SELENOT: variants seen among roughly 807,000 people sequenced by gnomAD.
SELENOT encodes thioredoxin reductase-like selenoprotein T.
In SELENOT, 9 loss-of-function variants were observed where a neutral mutation model predicts 24.3. That is an observed-to-expected ratio of 0.37 (90% CI 0.22 to 0.65). The LOEUF is 0.65. Ranked by LOEUF, SELENOT falls within the 30% of genes least tolerant of loss-of-function variation. SELENOT has a pLI of 0.60. For missense variants in SELENOT, 166 were observed against 247.6 expected (o/e 0.67, Z 2.21); for synonymous variants, 81 against 86.0 (o/e 0.94, Z 0.32).
chr3:150,626,714 T>A (rs1312876004), intron 4 of SELENOT, among the ~76,000 whole-genome samples: 9 of 152,228 alleles, frequency 5.9e-5, no homozygotes, highest in Non-Finnish European at 1.2e-4. Context: ...TAGATCTCAA[T>A]TTAAATGATA....
chr3:150,626,588 T>C (rs535083761), intron 4 of SELENOT, among the ~76,000 whole-genome samples: 58 of 152,280 alleles, frequency 3.8e-4, no homozygotes, highest in Non-Finnish European at 6.8e-4. Flanking sequence ...CTATGCTGAT[T>C]TTCTCTTATT....
intron 1 of SELENOT, among the ~76,000 whole-genome samples, chr3:150,610,254 G>T (rs1026652646): frequency 2.6e-5 from 4 of 152,204 alleles, no homozygotes; most frequent in African/African-American, 9.7e-5. Flanking sequence ...TTTTCATTAG[G>T]TATAAAGGTA....
At chr3:150,618,205 T>G (rs1212476445) in intron 1 of SELENOT, among the ~76,000 whole-genome samples, 1 of 152,174 alleles carries the variant, frequency 6.6e-6, no homozygotes, top group African/African-American at 2.4e-5. Flanking sequence ...TCTGTTTGGA[T>G]CTTCTTGTTA....
At chr3:150,619,687 A>G (rs1726297613) in intron 1 of SELENOT, among the ~76,000 whole-genome samples, 1 of 152,202 alleles carries the variant, frequency 6.6e-6, no homozygotes, top group South Asian at 2.1e-4. Context: ...TCATTGACCC[A>G]AAAAGAGTGG....
At chr3:150,608,973 G>T (rs2108005456) in intron 1 of SELENOT, among the ~76,000 whole-genome samples, 1 of 152,280 alleles carries the variant, frequency 6.6e-6, no homozygotes, top group Middle Eastern at 3.4e-3. Flanking sequence ...CCTAAATTTT[G>T]ATTAGTACAG....
rs2108017322 is a variant in SELENOT at position 150,629,543 on chromosome 3, A to C, written c.*1914A>C. ...AACTTCATGACATGTAGACATTCAAAACTTGAGCCTTGGATGTTCCTGTGG... is the reference window on the plus strand; with the variant it reads ...AACTTCATGACATGTAGACATTCAACACTTGAGCCTTGGATGTTCCTGTGG... On this transcript the variant is annotated 3_prime_UTR_variant, in exon 6 of 6. Coordinates refer to ENST00000471696, the MANE Select transcript of SELENOT (RefSeq NM_016275.5). The C allele has an allele frequency of 6.5e-6, 1 of 152,736 alleles. No individual in the cohort carries two copies. The highest frequency in any genetic ancestry group is 2.4e-5 in the African/African-American group (1 of 41,558). The allele number at this position is 152,736 out of a possible 1,614,324, so 9.5% of individuals were successfully genotyped here.
At chr3:150,625,512 T>C (rs1447411605) in intron 4 of SELENOT, among the ~76,000 whole-genome samples, 2 of 152,156 alleles carry the variant, frequency 1.3e-5, no homozygotes, top group Non-Finnish European at 2.9e-5. Flanking sequence ...ATCTACCTTC[T>C]GTTCATCTTA....
At position 150,621,751 on chromosome 3, in the gene SELENOT, C is replaced by T. The variant is rs138938214; in HGVS notation, c.138-634C>T. Among the ~76,000 whole-genome samples the T allele has an allele frequency of 2.2e-3, 335 of 148,958 alleles. 2 individuals are homozygous for T. Among genetic ancestry groups the T allele is most frequent in the African/African-American group, 7.6e-3 (310 of 40,580 alleles). ...TATTGAAAATTATGTTCCCAATCTTCGTTTTCCTTGGCAAAGTAGAATCAA... is the reference window on the plus strand; with the variant it reads ...TATTGAAAATTATGTTCCCAATCTTTGTTTTCCTTGGCAAAGTAGAATCAA... On this transcript the variant is annotated intron_variant, in intron 1 of 5. Transcript: ENST00000471696.
intron 5 of SELENOT, 131 bp from the exon 6 acceptor site, chr3:150,627,528 T>C (rs1460414218): frequency 6.4e-6 from 1 of 157,230 alleles, no homozygotes; most frequent in African/African-American, 2.4e-5. Context: ...AGATAAAAAA[T>C]TTATAGGCAA....
At chr3:150,611,944 A>C (rs1726104595) in intron 1 of SELENOT, 1 of 787,724 alleles carries the variant, frequency 1.3e-6, no homozygotes, top group Non-Finnish European at 2.0e-6. Context: ...CGTCGGCGGC[A>C]GTTCACTCTG....
At chr3:150,607,790 C>T (rs1285821866) in intron 1 of SELENOT, among the ~76,000 whole-genome samples, 1 of 152,184 alleles carries the variant, frequency 6.6e-6, no homozygotes, top group Non-Finnish European at 1.5e-5. Flanking sequence ...GAAGCCTAAG[C>T]CTACTGACCT....
intron 1 of SELENOT, among the ~76,000 whole-genome samples, chr3:150,609,251 A>G (rs145060735): frequency 3.0e-4 from 45 of 152,306 alleles, no homozygotes; most frequent in African/African-American, 8.7e-4. Context: ...CCGTGCCTCT[A>G]CAGGTGGGAC....
chr3:150,611,887 C>CT (rs1726102175), intron 1 of SELENOT: 1 of 1,015,530 alleles, frequency 9.8e-7, no homozygotes, highest in African/African-American at 1.7e-5. Context: ...TGTCTCCGAG[C>CT]TCCGGGGTAC....
chr3:150,621,264 C>T (rs1016400869), intron 1 of SELENOT, among the ~76,000 whole-genome samples: 4 of 152,042 alleles, frequency 2.6e-5, no homozygotes, highest in African/African-American at 9.7e-5. Flanking sequence ...TTACCGTTCC[C>T]TCACACCCCC....
chr3:150,613,649 A>T (rs1324659174), intron 1 of SELENOT, among the ~76,000 whole-genome samples: 1 of 138,264 alleles, frequency 7.2e-6, no homozygotes, highest in Non-Finnish European at 1.6e-5. Flanking sequence ...TCACTAAATT[A>T]TGCAGAAGAT....
At chr3:150,616,656 A>G (rs940164068) in intron 1 of SELENOT, among the ~76,000 whole-genome samples, 5 of 152,248 alleles carry the variant, frequency 3.3e-5, no homozygotes, top group African/African-American at 1.2e-4. Context: ...ATGAGATACC[A>G]TCTCACACCA....
rs750653580 is a variant in SELENOT at position 150,603,383 on chromosome 3, C to T, written c.21C>T (p.Leu7=). 10 of 1,612,942 alleles carry T rather than the reference C, an allele frequency of 6.2e-6. No individual in the cohort carries two copies. The highest frequency in any genetic ancestry group is 1.1e-5 in the South Asian group (1 of 91,036). Reference sequence around the variant, plus strand: ...TTAAGATGAGGCTTCTGCTGCTTCTCCTAGTGGCGGCGTCTGCGATGGTCC... The same window carrying T: ...TTAAGATGAGGCTTCTGCTGCTTCTTCTAGTGGCGGCGTCTGCGATGGTCC... MRLLLL[L]LVAASAMVRS... Residue 7 remains leucine, a synonymous_variant, in exon 1 of 6, where the codon CTC becomes CTT. Coordinates refer to ENST00000471696, the MANE Select transcript of SELENOT (RefSeq NM_016275.5).
intron 1 of SELENOT, among the ~76,000 whole-genome samples, chr3:150,621,785 G>A (rs1576534055): frequency 6.6e-6 from 1 of 151,964 alleles, no homozygotes; most frequent in East Asian, 1.9e-4. Context: ...AAATTTTAGA[G>A]TTAGAAGGGT....
At chr3:150,621,340 A>G (rs921753747) in intron 1 of SELENOT, among the ~76,000 whole-genome samples, 3 of 152,116 alleles carry the variant, frequency 2.0e-5, no homozygotes, top group African/African-American at 7.2e-5. Context: ...ACCGTGTCAG[A>G]TAGAAACTCC....
Sources: allele counts gnomAD v4.1 joint callset (sites outside exome capture counted in the v4.1 genomes callset), GRCh38; gene constraint gnomAD v4.1.1; transcripts MANE v1.5; gene names NCBI Gene and HGNC (gene_info 2026-07-23, HGNC 2026-07-21).